THSD7B: variants seen among roughly 807,000 people sequenced by gnomAD.
The protein encoded by THSD7B is thrombospondin type 1 domain containing 7B.
THSD7B carries 138 observed loss-of-function variants against 213.6 expected under a neutral mutation model. The ratio of observed to expected loss-of-function variants is 0.65; its 90% confidence interval spans 0.56 to 0.74. The LOEUF (loss-of-function observed/expected upper bound fraction) is 0.74, where lower values mean the gene tolerates loss of function less well. Among genes scored for constraint, THSD7B ranks in the 30% least tolerant of loss-of-function variants. THSD7B has a pLI of 0.00. For synonymous variants in THSD7B, 742 were observed against 687.0 expected (o/e 1.08, Z -1.25); for missense variants, 1,931 against 1,991.5 (o/e 0.97, Z 0.58).
intron 2 of THSD7B, among the ~76,000 whole-genome samples, chr2:136,930,892 C>A (rs1277884715): frequency 2.6e-5 from 4 of 152,052 alleles, no homozygotes; most frequent in African/African-American, 9.7e-5. Flanking sequence ...GAGACGTCTG[C>A]CCCTTTAGTC....
At chr2:137,516,285 A>G (rs184064369) in intron 15 of THSD7B, among the ~76,000 whole-genome samples, 22 of 152,346 alleles carry the variant, frequency 1.4e-4, no homozygotes, top group African/African-American at 5.1e-4. Context: ...ACTAATTTGA[A>G]TTCTAAAAAC....
At chr2:136,962,126 C>A (rs1317942427) in intron 2 of THSD7B, among the ~76,000 whole-genome samples, 1 of 152,170 alleles carries the variant, frequency 6.6e-6, no homozygotes, top group Non-Finnish European at 1.5e-5. Context: ...AGAAAGACTG[C>A]ACAAGCCATT....
chr2:137,646,139 GCCT>G lies in THSD7B; in HGVS notation c.3945+3515_3945+3517del, dbSNP rs568351688. Among the ~76,000 whole-genome samples the G allele has an allele frequency of 3.3e-3, 498 of 152,268 alleles. 4 individuals are homozygous for G. The highest frequency in any genetic ancestry group is 4.4e-3 in the Non-Finnish European group (299 of 68,012). On this transcript the variant is annotated intron_variant, in intron 21 of 27. Transcript: ENST00000409968. Reference sequence around the variant, plus strand: ...TGTGTGCTGTGGTCTGAATGTTTGTGCCTCCTCCTCCAAACTCACATGTTGAAA... The same window carrying G: ...TGTGTGCTGTGGTCTGAATGTTTGTGCCTCCTCCAAACTCACATGTTGAAA...
chr2:137,146,098 GA>G (rs528039650), intron 5 of THSD7B, among the ~76,000 whole-genome samples: 16 of 151,976 alleles, frequency 1.1e-4, no homozygotes, highest in African/African-American at 3.6e-4. Flanking sequence ...TTAAGCAAAA[GA>G]AAAAAATTCA....
In THSD7B at chr2:137,663,439, C is replaced by T; in HGVS notation, c.4515C>T (p.Phe1505=). The T allele has an allele frequency of 6.3e-7, 1 of 1,594,996 alleles. No homozygotes were observed. The change falls in exon 26 of 28, where the codon TTC becomes TTT. Residue 1505 remains phenylalanine (F), a synonymous_variant. Transcript: ENST00000409968. ...GYTEIMKSNG[F]LDYCMKVPGS... ...CAGAGATAATGAAATCAAATGGTTT[C>T]CTGGATTACTGCATGAAAGTACCAG...
chr2:136,963,863 C>A (rs1008788708), intron 2 of THSD7B, among the ~76,000 whole-genome samples: 1 of 152,094 alleles, frequency 6.6e-6, no homozygotes, highest in Non-Finnish European at 1.5e-5. Flanking sequence ...GATAATTAGA[C>A]GTGTTTGTTA....
intron 12 of THSD7B, among the ~76,000 whole-genome samples, chr2:137,301,600 TATTTAAAATATTAATTTA>T (rs916444455): frequency 6.6e-6 from 1 of 151,616 alleles, no homozygotes; most frequent in Non-Finnish European, 1.5e-5. Flanking sequence ...TAATATATTT[TATTTAAAATATTAATTTA>T]ATATATTATG....
chr2:136,914,934 A>C (rs1253064664), intron 2 of THSD7B, among the ~76,000 whole-genome samples: 1 of 152,206 alleles, frequency 6.6e-6, no homozygotes, highest in Non-Finnish European at 1.5e-5. Flanking sequence ...CAGAAACATT[A>C]TTGAAAACAA....
chr2:137,661,228 T>G (rs1412683339), intron 25 of THSD7B, among the ~76,000 whole-genome samples: 2 of 152,140 alleles, frequency 1.3e-5, no homozygotes, highest in African/African-American at 4.8e-5. Flanking sequence ...GGAATCTTCA[T>G]CCATCATGTC....
intron 7 of THSD7B, among the ~76,000 whole-genome samples, chr2:137,222,750 C>T (rs756178839): frequency 7.2e-5 from 11 of 152,218 alleles, no homozygotes; most frequent in Middle Eastern, 3.4e-3. Context: ...AAGAGCCAGG[C>T]GTATAGAAGA....
In THSD7B at chr2:137,657,150, T is replaced by C; in HGVS notation, c.4365T>C (p.Val1455=). The C allele has an allele frequency of 1.2e-6, 2 of 1,614,018 alleles. No individual in the cohort carries two copies. The highest frequency in any genetic ancestry group is 1.7e-6 in the Non-Finnish European group (2 of 1,179,884). ...RTVWCQRSDG[V]NVTGGCSPQA... ...TATGGTGCCAGCGTTCAGATGGCGT[T>C]AATGTCACAGGTATTCCTGCCTAAG... Residue 1455 remains valine (V), a synonymous_variant, in exon 24 of 28, where the codon GTT becomes GTC. Transcript: ENST00000409968.
intron 2 of THSD7B, among the ~76,000 whole-genome samples, chr2:137,052,812 G>C (rs779451504): frequency 1.3e-5 from 2 of 152,060 alleles, no homozygotes; most frequent in African/African-American, 4.8e-5. Flanking sequence ...ATAAATCATG[G>C]AGCACATTTT....
At chr2:137,192,994 A>ATG (rs992297383) in intron 7 of THSD7B, among the ~76,000 whole-genome samples, 1 of 151,964 alleles carries the variant, frequency 6.6e-6, no homozygotes, top group East Asian at 1.9e-4. Flanking sequence ...GTATGTGTGT[A>ATG]TGTGTGTGTG....
chr2:137,604,142 A>T (rs570221682), intron 17 of THSD7B, among the ~76,000 whole-genome samples: 143 of 152,138 alleles, frequency 9.4e-4, no homozygotes, highest in Non-Finnish European at 1.8e-3. Context: ...ACTCAATCAG[A>T]TTCCTAATTC....
At chr2:136,928,786 C>T (rs992854319) in intron 2 of THSD7B, among the ~76,000 whole-genome samples, 1 of 151,988 alleles carries the variant, frequency 6.6e-6, no homozygotes, top group Non-Finnish European at 1.5e-5. Context: ...TTTAGGAGCT[C>T]ATCTGAAATA....
chr2:137,089,409 CACACACA>C (rs1687909886), intron 3 of THSD7B, among the ~76,000 whole-genome samples: 1 of 125,848 alleles, frequency 7.9e-6, no homozygotes, highest in African/African-American at 3.1e-5. Flanking sequence ...TATACATATA[CACACACA>C]TATATGTATA....
chr2:137,069,549 A>C (rs1396212821), intron 3 of THSD7B, among the ~76,000 whole-genome samples: 2 of 151,992 alleles, frequency 1.3e-5, no homozygotes, highest in African/African-American at 2.4e-5. Flanking sequence ...CCATCTTTCA[A>C]TTCTCAGAAC....
intron 3 of THSD7B, among the ~76,000 whole-genome samples, chr2:137,068,843 G>A (rs976082355): frequency 6.6e-6 from 1 of 151,974 alleles, no homozygotes; most frequent in Non-Finnish European, 1.5e-5. Flanking sequence ...TATGTCATTT[G>A]GAACAGGAAG....
chr2:136,954,740 T>TAAAAAA (rs773677139), intron 2 of THSD7B, among the ~76,000 whole-genome samples: 1 of 137,446 alleles, frequency 7.3e-6, no homozygotes, highest in African/African-American at 3.1e-5. Flanking sequence ...AAAAAGAAAT[T>TAAAAAA]ACATAAGAGC....
Sources: allele counts gnomAD v4.1 joint callset (sites outside exome capture counted in the v4.1 genomes callset), GRCh38; gene constraint gnomAD v4.1.1; transcripts MANE v1.5; gene names NCBI Gene and HGNC (gene_info 2026-07-23, HGNC 2026-07-21).